The following ARHGAP10 variants were observed in gnomAD, a reference collection of about 807,000 sequenced individuals.
ARHGAP10 encodes the protein Rho GTPase activating protein 10.
In ARHGAP10, 87 loss-of-function variants were observed where a neutral mutation model predicts 108.6. The observed-to-expected ratio is 0.80, with a 90% CI of 0.67 to 0.96. The LOEUF (loss-of-function observed/expected upper bound fraction) is 0.96. ARHGAP10 is among the 40% of genes least tolerant of loss of function. The pLI is 0.00. For synonymous variants in ARHGAP10, 347 were observed against 341.1 expected, an observed-to-expected ratio of 1.02 and a Z score of -0.19; for missense variants, 939 against 954.5, an observed-to-expected ratio of 0.98 and a Z score of 0.21.
At chr4:148,056,142 C>T (rs890126692) in intron 20 of ARHGAP10, among the ~76,000 whole-genome samples, 2 of 152,186 alleles carry the variant, frequency 1.3e-5, no homozygotes, top group African/African-American at 4.8e-5. Flanking sequence ...AGTATTTACT[C>T]TCTGGCCCTT....
At chr4:148,042,722 T>C (rs932149249) in intron 19 of ARHGAP10, among the ~76,000 whole-genome samples, 9 of 152,224 alleles carry the variant, frequency 5.9e-5, no homozygotes, top group African/African-American at 9.6e-5. Context: ...ATCTTTGGGT[T>C]AGGGACTGCT....
chr4:148,057,131 T>G (rs1729400780), intron 20 of ARHGAP10, among the ~76,000 whole-genome samples: 1 of 152,170 alleles, frequency 6.6e-6, no homozygotes, highest in Admixed American at 6.5e-5. Flanking sequence ...CAGCATAGCC[T>G]CTAGCTATTG....
chr4:147,851,529 A>T (rs991905710), intron 4 of ARHGAP10, among the ~76,000 whole-genome samples: 3 of 152,230 alleles, frequency 2.0e-5, no homozygotes, highest in Non-Finnish European at 2.9e-5. Flanking sequence ...ATACATTTTA[A>T]ATACAGACTT....
At chr4:147,937,646 A>G (rs1490552349) in intron 13 of ARHGAP10, among the ~76,000 whole-genome samples, 2 of 152,212 alleles carry the variant, frequency 1.3e-5, no homozygotes, top group Admixed American at 1.3e-4. Flanking sequence ...TAGCAAAGAC[A>G]TGGACTCAGC....
In ARHGAP10 at chr4:147,864,705, G is replaced by A. The variant is rs1301322358; in HGVS notation, c.487-141G>A. ...GCAGACAATACATAAATGAATTGTC[G>A]TACCTGTGTTGCAATACTTTATTTA... On this transcript the variant is annotated intron_variant, in intron 5 of 22. Coordinates refer to ENST00000336498, the MANE Select transcript of ARHGAP10 (RefSeq NM_024605.4). The A allele has an allele frequency of 3.8e-5, 24 of 628,752 alleles. 1 individual carries two copies. The highest frequency in any genetic ancestry group is 5.0e-5 in the Non-Finnish European group (18 of 363,310). The allele number at this position is 628,752 out of a possible 1,614,324, so 38.9% of individuals were successfully genotyped here.
At chr4:147,800,223 C>G (rs1300833595) in intron 1 of ARHGAP10, among the ~76,000 whole-genome samples, 1 of 152,218 alleles carries the variant, frequency 6.6e-6, no homozygotes, top group Non-Finnish European at 1.5e-5. Flanking sequence ...GAGGGACTTT[C>G]CTGACTGTGG....
chr4:147,782,996 ATT>A (rs1001224541), intron 1 of ARHGAP10, among the ~76,000 whole-genome samples: 10 of 140,224 alleles, frequency 7.1e-5, no homozygotes, highest in Non-Finnish European at 1.5e-4. Context: ...AATTATATAT[ATT>A]ATATAAATTA....
At chr4:147,864,793 C>A in intron 5 of ARHGAP10, 53 bp from the exon 6 acceptor site, 1 of 1,513,476 alleles carries the variant, frequency 6.6e-7, no homozygotes, top group Non-Finnish European at 9.1e-7. Flanking sequence ...TCTGATGTAG[C>A]GTTTCACTTT....
chr4:148,048,782 C>T (rs1728999061), intron 20 of ARHGAP10, among the ~76,000 whole-genome samples: 1 of 152,116 alleles, frequency 6.6e-6, no homozygotes, highest in Admixed American at 6.5e-5. Context: ...ACTCAATTCA[C>T]AACACGTCCA....
chr4:148,017,099 A>G (rs1208832895), intron 18 of ARHGAP10, among the ~76,000 whole-genome samples: 2 of 151,994 alleles, frequency 1.3e-5, no homozygotes, highest in East Asian at 3.9e-4. Flanking sequence ...TTGGATGGGC[A>G]TGATTGATCA....
chr4:147,778,864 CCA>C (rs1730415860), intron 1 of ARHGAP10, among the ~76,000 whole-genome samples: 1 of 152,026 alleles, frequency 6.6e-6, no homozygotes, highest in Admixed American at 6.6e-5. Context: ...CTTAGAATGA[CCA>C]GTAAAGAGTT....
Position 147,965,089 on chromosome 4 carries a change from A to C in ARHGAP10, c.1516A>C (p.Asn506His). The C allele has an allele frequency of 1.2e-6, 2 of 1,607,618 alleles. No homozygotes were observed. The part of the protein sequence containing the change: ...HFLVHKLPEK[N>H]KEMLDILVKH... ...CTTGGTACACAAACTGCCAGAGAAG[A>C]ATAAAGAGATGTTGGATATTTTGGT... The change falls in exon 17 of 23, where the codon AAT (asparagine) becomes CAT (histidine). Residue 506 changes from asparagine to histidine, a missense_variant. Coordinates refer to ENST00000336498, the MANE Select transcript of ARHGAP10 (RefSeq NM_024605.4).
rs374709295 is a variant in ARHGAP10 at position 147,906,643 on chromosome 4, G to A, written c.1040G>A (p.Gly347Asp). The A allele has an allele frequency of 6.2e-7, 1 of 1,614,154 alleles. No individual in the cohort carries two copies. The highest frequency in any genetic ancestry group is 2.2e-5 in the East Asian group (1 of 44,874). ...ATGTTACTGGTGTCTTTCAGGCCTG[G>A]CGTTTCCTTGACCATGCAGGCATTT... ...CFDIEAADRP[G>D]VSLTMQAFSE... The change falls in exon 11 of 23, where the codon GGC (glycine) becomes GAC (aspartate). Residue 347 changes from glycine to aspartate, a missense_variant. Physicochemically the swap from Gly to Asp is moderately conservative, Grantham distance 94. Transcript: ENST00000336498.
chr4:148,058,327 C>A (rs1201874491), intron 20 of ARHGAP10, among the ~76,000 whole-genome samples: 1 of 152,222 alleles, frequency 6.6e-6, no homozygotes, highest in East Asian at 1.9e-4. Context: ...TATTGTATAA[C>A]CGTAGTGAAA....
intron 1 of ARHGAP10, among the ~76,000 whole-genome samples, chr4:147,794,409 A>T (rs1207086034): frequency 4.6e-5 from 7 of 152,104 alleles, no homozygotes; most frequent in African/African-American, 7.2e-5. Context: ...TCTCCATGAA[A>T]TTTTTTTTAT....
At chr4:147,777,551 G>T (rs1351020398) in intron 1 of ARHGAP10, among the ~76,000 whole-genome samples, 1 of 152,108 alleles carries the variant, frequency 6.6e-6, no homozygotes, top group African/African-American at 2.4e-5. Flanking sequence ...CACCACACCT[G>T]GCCGGGTAGG....
intron 1 of ARHGAP10, among the ~76,000 whole-genome samples, chr4:147,815,200 C>G (rs1434523497): frequency 6.6e-6 from 1 of 152,212 alleles, no homozygotes; most frequent in East Asian, 1.9e-4. Flanking sequence ...GCTCTCAACA[C>G]ATCTCTGGGT....
intron 19 of ARHGAP10, among the ~76,000 whole-genome samples, chr4:148,038,401 A>G (rs912665745): frequency 3.9e-5 from 6 of 152,194 alleles, no homozygotes; most frequent in Non-Finnish European, 5.9e-5. Context: ...CTCTCATCCT[A>G]CTGCAACATT....
At chr4:147,752,787 A>G (rs533050046) in intron 1 of ARHGAP10, among the ~76,000 whole-genome samples, 10 of 152,318 alleles carry the variant, frequency 6.6e-5, no homozygotes, top group African/African-American at 1.7e-4. Flanking sequence ...TTGGCCTCCC[A>G]AAGTGCCGGG....
Sources: gnomAD v4.1 joint callset for allele counts (sites outside exome capture counted in the v4.1 genomes callset) on GRCh38, gnomAD v4.1.1 for gene constraint, MANE v1.5 for transcripts, NCBI Gene and HGNC (gene_info 2026-07-23, HGNC 2026-07-21) for gene names.